The following CCDC149 variants were observed in gnomAD, a reference collection of about 807,000 sequenced individuals.
The protein encoded by CCDC149 is coiled-coil domain containing 149.
In CCDC149, 45 loss-of-function variants were observed where a neutral mutation model predicts 59.9. That is an observed-to-expected ratio of 0.75 (90% confidence interval 0.59 to 0.96). The LOEUF is 0.96. CCDC149 is among the 40% of genes least tolerant of loss of function. CCDC149 has a pLI of 0.00. For synonymous variants in CCDC149, 245 were observed against 260.6 expected (o/e 0.94, Z 0.58); for missense variants, 584 against 664.7 (o/e 0.88, Z 1.33).
chr4:24,937,669 A>T (rs1323899331), intron 1 of CCDC149, among the ~76,000 whole-genome samples: 1 of 152,170 alleles, frequency 6.6e-6, no homozygotes, highest in Non-Finnish European at 1.5e-5. Flanking sequence ...AGGAGGAGAA[A>T]AGCTGGAGCG....
rs369672838 is a variant in CCDC149, at chr4:24,837,420, C to G, written c.490-20G>C. 6.2e-7 allele frequency: 1 copy of G among 1,612,670 alleles called. No homozygotes were observed. On this transcript the variant is annotated intron_variant, in intron 5 of 12. Transcript: ENST00000635206. This position sits in a 1 kb window ranked among gnomAD's most constrained non-coding sequence, Gnocchi z 4.3. ...CTCAATCTAAAACCACAGGGAGAGC[C>G]CTTACTCAAGATGTTCCTCAGGCTC...
chr4:24,848,423 GC>G (rs1717447041), intron 4 of CCDC149, among the ~76,000 whole-genome samples: 1 of 152,070 alleles, frequency 6.6e-6, no homozygotes, highest in Non-Finnish European at 1.5e-5. Flanking sequence ...ACAAAAATTA[GC>G]TGGGCGTGGT....
chr4:24,977,183 A>T (rs1724239639), intron 1 of CCDC149, among the ~76,000 whole-genome samples: 1 of 152,082 alleles, frequency 6.6e-6, no homozygotes, highest in South Asian at 2.1e-4. Context: ...TGGTTCATGG[A>T]TGGGCATGGA....
chr4:24,968,158 G>T (rs958849051), intron 1 of CCDC149, among the ~76,000 whole-genome samples: 1 of 152,236 alleles, frequency 6.6e-6, no homozygotes, highest in Non-Finnish European at 1.5e-5. Flanking sequence ...AGCTGGATGT[G>T]CATGTGACCA....
chr4:24,949,455 G>T (rs1267673592), intron 1 of CCDC149, among the ~76,000 whole-genome samples: 1 of 147,428 alleles, frequency 6.8e-6, no homozygotes, highest in African/African-American at 2.5e-5. Context: ...GGGGTGGTGG[G>T]GGGACTCCCT....
chr4:24,846,197 G>A (rs965565552), intron 4 of CCDC149, among the ~76,000 whole-genome samples: 1 of 152,182 alleles, frequency 6.6e-6, no homozygotes, highest in African/African-American at 2.4e-5. Flanking sequence ...TGCTGAACTA[G>A]ACTGGCCGCT....
chr4:24,927,344 T>G (rs1722458154), intron 1 of CCDC149, among the ~76,000 whole-genome samples: 3 of 152,200 alleles, frequency 2.0e-5, no homozygotes, highest in African/African-American at 7.2e-5. Flanking sequence ...AAAAGAAAAG[T>G]TGAAACGTAA....
intron 3 of CCDC149, among the ~76,000 whole-genome samples, chr4:24,865,273 C>A (rs1306266318): frequency 1.3e-5 from 2 of 152,170 alleles, no homozygotes; most frequent in African/African-American, 4.8e-5. Context: ...ACCCTTAAAT[C>A]CATACCTTCA....
At chr4:24,809,752 G>A (rs962800596) in intron 12 of CCDC149, among the ~76,000 whole-genome samples, 3 of 152,206 alleles carry the variant, frequency 2.0e-5, no homozygotes, top group Non-Finnish European at 4.4e-5. Context: ...CAGGAATGAG[G>A]GGCCCCCAGG....
At chr4:24,975,687 A>G (rs771673928) in intron 1 of CCDC149, among the ~76,000 whole-genome samples, 2 of 151,968 alleles carry the variant, frequency 1.3e-5, no homozygotes, top group Non-Finnish European at 2.9e-5. Flanking sequence ...ACTATCACTA[A>G]GTCCCGTGTC....
Position 24,837,721 on chromosome 4 carries a change from C to T in CCDC149, c.490-321G>A, listed in dbSNP as rs1466903541. 3.3e-5 allele frequency among the ~76,000 whole-genome samples: 5 copies of T among 152,292 alleles called. No individual in the cohort carries two copies. In the East Asian group the frequency reaches 7.7e-4, roughly 24 times the overall value. ...TACTTTTTCAAATCCACTCTAGACC[C>T]AGAAATCTTGTTCTGCTCTTCAGTT... is the stretch of plus-strand genomic sequence containing the variant. On this transcript the variant is annotated intron_variant, in intron 5 of 12. Coordinates refer to ENST00000635206, the MANE Select transcript of CCDC149 (RefSeq NM_001330643.2). This position sits in a 1 kb window ranked among gnomAD's most constrained non-coding sequence, Gnocchi z 4.3.
rs370806968 is a variant in CCDC149 at position 24,970,039 on chromosome 4, G to A, written c.-65+10030C>T. Among the ~76,000 whole-genome samples, 58 of 152,340 alleles carry A rather than the reference G, an allele frequency of 3.8e-4. No individual in the cohort carries two copies. The South Asian group carries it at 4.8e-3, about 13-fold the overall frequency. ...CACAGATACAGGACTCAAAGGAACC[G>A]TGGGGAGCTGAGGTGTGGTTTTGCC... On this transcript the variant is annotated intron_variant, in intron 1 of 12. Coordinates refer to the CCDC149 transcript ENST00000389609.
At chr4:24,830,970 A>T (rs1716106128) in intron 9 of CCDC149, 1 of 153,120 alleles carries the variant, frequency 6.5e-6, no homozygotes, top group Non-Finnish European at 1.5e-5. Flanking sequence ...GGTTTTACAC[A>T]ACATAGTCAA....
At chr4:24,977,162 T>A (rs750170192) in intron 1 of CCDC149, among the ~76,000 whole-genome samples, 6 of 152,126 alleles carry the variant, frequency 3.9e-5, no homozygotes, top group Non-Finnish European at 5.9e-5. Flanking sequence ...TTAGTGACGA[T>A]GTACAATGAC....
In CCDC149 at chr4:24,970,557, G is replaced by A. The variant is rs79058402; in HGVS notation, c.-65+9512C>T. On this transcript the variant is annotated intron_variant, in intron 1 of 12. Transcript: ENST00000389609. ...TAACACCACTGAGGAGTGGGTACCC[G>A]TCATGGCTTGTGTGAACATAACACA... Among the ~76,000 whole-genome samples, 724 of 152,236 alleles carry A rather than the reference G, an allele frequency of 4.8e-3. 7 individuals carry two copies. The highest frequency in any genetic ancestry group is 0.016 in the African/African-American group (680 of 41,528).
chr4:24,915,173 C>T (rs140213967), upstream of CCDC149, among the ~76,000 whole-genome samples: 1,261 of 152,368 alleles, frequency 8.3e-3, 12 homozygotes, highest in Non-Finnish European at 0.012. Flanking sequence ...AGTTAATTAA[C>T]TCAGTGCCAA....
At chr4:24,836,611 T>C in intron 6 of CCDC149, 103 bp from the exon 7 acceptor site, 1 of 712,992 alleles carries the variant, frequency 1.4e-6, no homozygotes, top group Non-Finnish European at 2.5e-6. Context: ...AGAAGAGCTA[T>C]CTTTTACACA....
intron 1 of CCDC149, among the ~76,000 whole-genome samples, chr4:24,887,961 C>T (rs1476303220): frequency 6.6e-6 from 1 of 152,188 alleles, no homozygotes; most frequent in African/African-American, 2.4e-5. Context: ...CACACTCAAG[C>T]TTCTTCACCT....
intron 1 of CCDC149, among the ~76,000 whole-genome samples, chr4:24,957,732 G>C (rs961351899): frequency 2.0e-5 from 3 of 152,214 alleles, no homozygotes; most frequent in African/African-American, 4.8e-5. Flanking sequence ...GGCTGCATTT[G>C]CAAGAATGGC....
Sources: gnomAD v4.1 joint callset for allele counts (sites outside exome capture counted in the v4.1 genomes callset) on GRCh38, gnomAD v4.1.1 for gene constraint, Gnocchi (gnomAD v3.1) non-coding constraint, MANE v1.5 for transcripts, NCBI Gene and HGNC (gene_info 2026-07-23, HGNC 2026-07-21) for gene names.